The following DLX6 variants were observed in gnomAD, a reference collection of about 807,000 sequenced individuals.
DLX6 encodes distal-less homeobox 6.
In DLX6, 4 loss-of-function variants were observed where a neutral mutation model predicts 33.5. The ratio of observed to expected loss-of-function variants is 0.12; its 90% confidence interval spans 0.06 to 0.27. The LOEUF is 0.27. Ranked by LOEUF, DLX6 falls within the 10% of genes least tolerant of loss-of-function variation. The pLI is 1.00. For synonymous variants in DLX6, 184 were observed against 164.8 expected (o/e 1.12, Z -0.89); for missense variants, 382 against 393.3 (o/e 0.97, Z 0.24).
At position 97,010,342 on chromosome 7, in the gene DLX6, C is replaced by A. The variant is rs531076752; in HGVS notation, c.*295C>A. On this transcript the variant is annotated 3_prime_UTR_variant, in exon 3 of 3. Transcript: ENST00000518156. ...CTCTTGAGCAACGTCAGTAATTGAT[C>A]TTGCATCTCAGAGAGAGAGAAAGAG... 198 of 335,782 alleles carry A rather than the reference C, an allele frequency of 5.9e-4. No homozygotes were observed. Among genetic ancestry groups the A allele is most frequent in the Middle Eastern group, 1.7e-3 (2 of 1,196 alleles). The allele number at this position is 335,782 out of a possible 1,614,324, so 20.8% of individuals were successfully genotyped here.
rs775320932 is a variant in DLX6 at position 97,006,052 on chromosome 7, GCAGCAGCAGCAGCAGCAGCAGCAA to G, written c.105_128del (p.Gln37_Gln44del). Reference sequence around the variant, plus strand: ...CCAAATCCGCCTTCATGGAGTTCGGGCAGCAGCAGCAGCAGCAGCAGCAACAGCAGCAGCAGCAGCAGCAGCAAC... The same window carrying G: ...CCAAATCCGCCTTCATGGAGTTCGGGCAGCAGCAGCAGCAGCAGCAGCAAC... On this transcript the variant is annotated inframe_deletion, in exon 1 of 3. Coordinates refer to ENST00000518156, the MANE Select transcript of DLX6 (RefSeq NM_005222.4). The G allele has an allele frequency of 2.4e-4, 360 of 1,531,576 alleles. No homozygotes were observed. The highest frequency in any genetic ancestry group is 3.5e-4 in the African/African-American group (25 of 71,396). 94.9% of individuals were successfully genotyped at this position (1,531,576 alleles called of 1,614,324 possible).
intron 1 of DLX6, chr7:97,007,158 C>T (rs936276739): frequency 1.8e-5 from 5 of 270,338 alleles, no homozygotes; most frequent in East Asian, 8.1e-5. Context: ...TTTGGTCCTC[C>T]TCAGGAGAGT....
At position 97,010,623 on chromosome 7, in the gene DLX6, T is replaced by C. The variant is rs1789825993; in HGVS notation, c.*576T>C. 6.6e-6 allele frequency: 1 copy of C among 152,548 alleles called. No homozygotes were observed. The highest frequency in any genetic ancestry group is 1.5e-5 in the Non-Finnish European group (1 of 68,086). 9.4% of individuals were successfully genotyped at this position (152,548 alleles called of 1,614,324 possible). ...GCATTTTGGACTCCTGCATTTTTAT[T>C]TACCATTCCCAGACTGACGAGAAAA... On this transcript the variant is annotated 3_prime_UTR_variant, in exon 3 of 3. Transcript: ENST00000518156.
chr7:97,007,257 C>G (rs1198079812), intron 1 of DLX6: 1 of 526,302 alleles, frequency 1.9e-6, no homozygotes, highest in Non-Finnish European at 3.4e-6. Flanking sequence ...CTGGGTGGCT[C>G]AAGCACAGCT....
Position 97,010,211 on chromosome 7 carries a change from T to C in DLX6, c.*164T>C. ...CTCTCTCCCTCTCTCTCTCTCTCCC[T>C]CTCCTTTCTTTTTACTTCTTCCTTT... On this transcript the variant is annotated 3_prime_UTR_variant, in exon 3 of 3. Coordinates refer to ENST00000518156, the MANE Select transcript of DLX6 (RefSeq NM_005222.4). The C allele has an allele frequency of 3.0e-6, 2 of 673,628 alleles. No homozygotes were observed. Among genetic ancestry groups the C allele is most frequent in the African/African-American group, 1.8e-5 (1 of 55,080 alleles). The allele number at this position is 673,628 out of a possible 1,614,324, so 41.7% of individuals were successfully genotyped here. A position where few individuals can be genotyped will look rare whatever the true frequency, so the allele number is the denominator to read the frequency against.
At position 97,006,120 on chromosome 7, in the gene DLX6, C is replaced by T. The variant is rs756156257; in HGVS notation, c.143C>T (p.Pro48Leu). 4 of 1,533,026 alleles carry T rather than the reference C, an allele frequency of 2.6e-6. No homozygotes were observed. The highest frequency in any genetic ancestry group is 2.5e-5 in the East Asian group (1 of 40,548). 95.0% of individuals were successfully genotyped at this position (1,533,026 alleles called of 1,614,324 possible). The change falls in exon 1 of 3, where the codon CCG becomes CTG. Residue 48 changes from proline to leucine, a missense_variant. Physicochemically the swap from Pro to Leu is moderately conservative, Grantham distance 98. Around this residue, in one of 4 missense-constraint regions of DLX6, gnomAD observed 257 missense variants for 206.9 expected, o/e 1.24. Transcript: ENST00000518156. ...QQQQQQQPPP[P>L]PPPPPQPHSQ... Reference sequence around the variant, plus strand: ...CAGCAACAGCAACAGCCGCCGCCGCCGCCGCCGCCGCCGCCGCAGCCGCAC... The same window carrying T: ...CAGCAACAGCAACAGCCGCCGCCGCTGCCGCCGCCGCCGCCGCAGCCGCAC...
chr7:97,008,513 T>C (rs1258153559), intron 2 of DLX6, among the ~76,000 whole-genome samples: 1 of 152,200 alleles, frequency 6.6e-6, no homozygotes, highest in African/African-American at 2.4e-5. Context: ...TTGTAACAGG[T>C]GAAGCCACAG....
chr7:97,010,164 C>T lies in DLX6; in HGVS notation c.*117C>T. On this transcript the variant is annotated 3_prime_UTR_variant, in exon 3 of 3. Transcript: ENST00000518156. ...GGCTTAGGAGAGCTCATAAGTGTGG[C>T]AAGAAGCCGACTAGGCTCATTCTCT... is the stretch of plus-strand genomic sequence containing the variant. 1 of 1,264,238 alleles carries T rather than the reference C, an allele frequency of 7.9e-7. No homozygotes were observed. Among genetic ancestry groups the T allele is most frequent in the South Asian group, 1.6e-5 (1 of 61,216 alleles). 78.3% of individuals were successfully genotyped at this position (1,264,238 alleles called of 1,614,324 possible).
At chr7:97,008,883 A>G (rs1260735733) in intron 2 of DLX6, among the ~76,000 whole-genome samples, 9 of 152,208 alleles carry the variant, frequency 5.9e-5, no homozygotes, top group Admixed American at 5.9e-4. Flanking sequence ...CTATTCAGTG[A>G]CTTGTATGCG....
Position 97,007,678 on chromosome 7 carries a change from G to A in DLX6, c.477G>A (p.Arg159=). ...KTTVIENGEI[R]FNGKGKKIRK... ...CAGTGATTGAAAACGGGGAAATCAG[G>A]TTCAATGGAAAAGGGAAAAAGATTC... The change falls in exon 2 of 3, where the codon AGG becomes AGA. Residue 159 remains arginine, a synonymous_variant. Transcript: ENST00000518156. 1 of 1,612,726 alleles carries A rather than the reference G, an allele frequency of 6.2e-7. No homozygotes were observed. The highest frequency in any genetic ancestry group is 8.5e-7 in the Non-Finnish European group (1 of 1,179,320).
chr7:97,008,606 G>A (rs1789785729), intron 2 of DLX6, among the ~76,000 whole-genome samples: 1 of 152,208 alleles, frequency 6.6e-6, no homozygotes, highest in Non-Finnish European at 1.5e-5. Flanking sequence ...AAGGAGCTTA[G>A]GTGAGTATAT....
chr7:97,006,564 C>G, intron 1 of DLX6, 151 bp downstream of exon 1: 1 of 694,788 alleles, frequency 1.4e-6, no homozygotes, highest in Middle Eastern at 5.5e-4. Context: ...CGCGCCCGCT[C>G]GCCTGGCGCC....
intron 2 of DLX6, 129 bp from the exon 3 acceptor site, chr7:97,009,667 A>C (rs1789805173): frequency 7.4e-7 from 1 of 1,359,550 alleles, no homozygotes; most frequent in Non-Finnish European, 1.0e-6. Context: ...CTTGGCTTGT[A>C]GGCGTTGGCG....
chr7:97,008,695 C>T (rs1044513276), intron 2 of DLX6, among the ~76,000 whole-genome samples: 3 of 152,162 alleles, frequency 2.0e-5, no homozygotes, highest in Admixed American at 1.3e-4. Flanking sequence ...GTAAGTAGGC[C>T]TCATCTGATG....
chr7:97,006,703 C>G (rs1789743029), intron 1 of DLX6: 1 of 162,948 alleles, frequency 6.1e-6, no homozygotes, highest in South Asian at 2.0e-4. Context: ...ACTGCGCTCT[C>G]CAGCCTCCTG....
chr7:97,007,514 A>G (rs889748328), intron 1 of DLX6, 124 bp from the exon 2 acceptor site: 3 of 873,884 alleles, frequency 3.4e-6, no homozygotes, highest in Non-Finnish European at 5.6e-6. Context: ...TCGGGGCATC[A>G]TAGGGATTTT....
chr7:97,009,258 G>A (rs902568092), intron 2 of DLX6, among the ~76,000 whole-genome samples: 8 of 152,200 alleles, frequency 5.3e-5, no homozygotes, highest in African/African-American at 1.9e-4. Flanking sequence ...AGTTATAAAT[G>A]TACAGGCTTT....
chr7:97,008,093 C>G (rs1259653365), intron 2 of DLX6, among the ~76,000 whole-genome samples: 3 of 152,152 alleles, frequency 2.0e-5, no homozygotes, highest in African/African-American at 7.2e-5. Flanking sequence ...TGTGACCAAA[C>G]TCATAATTCA....
At chr7:97,007,494 C>A in intron 1 of DLX6, 144 bp from the exon 2 acceptor site, 1 of 764,334 alleles carries the variant, frequency 1.3e-6, no homozygotes, top group Non-Finnish European at 2.3e-6. Context: ...GCAGAGTGGA[C>A]CAAGAGAGGT....
Sources: gnomAD v4.1 joint callset for allele counts (sites outside exome capture counted in the v4.1 genomes callset) on GRCh38, gnomAD v4.1.1 for gene constraint, gnomAD v4.1.1 regional missense constraint, MANE v1.5 for transcripts, NCBI Gene and HGNC (gene_info 2026-07-23, HGNC 2026-07-21) for gene names.